The following EBF4 variants were observed in gnomAD, a reference collection of about 807,000 sequenced individuals.
The protein encoded by EBF4 is EBF transcription factor 4.
A neutral mutation model predicts 67.1 loss-of-function variants in EBF4; 34 were observed. The ratio of observed to expected loss-of-function variants is 0.51; its 90% CI spans 0.39 to 0.67. The LOEUF (loss-of-function observed/expected upper bound fraction) is 0.67, where lower values mean the gene tolerates loss of function less well. Ranked by LOEUF, EBF4 falls within the 30% of genes least tolerant of loss-of-function variation. The pLI is 0.00. For synonymous variants in EBF4, 387 were observed against 377.7 expected, an observed-to-expected ratio of 1.02 and a Z score of -0.29; for missense variants, 837 against 873.3, an observed-to-expected ratio of 0.96 and a Z score of 0.52.
At chr20:2,737,047 A>G (rs1418152637) in intron 6 of EBF4, among the ~76,000 whole-genome samples, 1 of 151,966 alleles carries the variant, frequency 6.6e-6, no homozygotes, top group African/African-American at 2.4e-5. Flanking sequence ...CAGGAGATGG[A>G]GACCATCCTG....
At chr20:2,705,785 C>CCCCACA (rs1419727165) in intron 2 of EBF4, 52 bp downstream of exon 2, 2 of 750,290 alleles carry the variant, frequency 2.7e-6, no homozygotes, top group Non-Finnish European at 4.2e-6. Context: ...GAACCCCCAA[C>CCCCACA]CACACACACA....
chr20:2,710,638 T>C (rs1010168527), intron 6 of EBF4, among the ~76,000 whole-genome samples: 1 of 151,844 alleles, frequency 6.6e-6, no homozygotes, highest in African/African-American at 2.4e-5. Flanking sequence ...CTCCTTTTAA[T>C]AGAAAAAGCA....
At chr20:2,715,839 C>T (rs2087601429) in intron 6 of EBF4, among the ~76,000 whole-genome samples, 1 of 152,150 alleles carries the variant, frequency 6.6e-6, no homozygotes, top group South Asian at 2.1e-4. Context: ...ACCTCTGCCT[C>T]CCTGGTTCAA....
rs538546814 is a variant in EBF4, at chr20:2,739,498, G to C, written c.558-9051G>C. 2.0e-5 allele frequency among the ~76,000 whole-genome samples: 3 copies of C among 152,300 alleles called. No individual in the cohort carries two copies. The highest frequency in any genetic ancestry group is 2.0e-4 in the Admixed American group (3 of 15,304). On this transcript the variant is annotated intron_variant, in intron 6 of 16. Coordinates refer to ENST00000609451, the Ensembl canonical transcript of EBF4. The surrounding 1 kb of genome is among the most constrained non-coding windows in gnomAD (Gnocchi z 4.5). ...ATCCTCCTGCCGTGCCCACCACTCTGTCTTCCTGAGTTTCTCTTTCCTGTT... is the reference window on the plus strand; with the variant it reads ...ATCCTCCTGCCGTGCCCACCACTCTCTCTTCCTGAGTTTCTCTTTCCTGTT...
intron 6 of EBF4, among the ~76,000 whole-genome samples, chr20:2,738,248 C>T (rs914665250): frequency 1.3e-5 from 2 of 152,166 alleles, no homozygotes; most frequent in African/African-American, 4.8e-5. Context: ...ATCTACACCA[C>T]CACCTCTGCC....
chr20:2,752,361 C>A lies in EBF4; in HGVS notation c.1356C>A (p.Tyr452Ter). ...CGGCCGCGCTCTCTCTCGCAGGCTA[C>A]GCGCGCAGCTGCAGCAGCGCGTCCC... Residue 452 changes from tyrosine (Y) to a stop codon, truncating the protein, a stop_gained, in exon 14 of 17, where the codon TAC becomes TAA. Coordinates refer to ENST00000609451, the Ensembl canonical transcript of EBF4. LOFTEE classifies it high-confidence loss of function. 1 of 1,220,650 alleles carries A rather than the reference C, an allele frequency of 8.2e-7. No homozygotes were observed. The highest frequency in any genetic ancestry group is 1.0e-6 in the Non-Finnish European group (1 of 983,270). The allele number at this position is 1,220,650 out of a possible 1,614,324, so 75.6% of individuals were successfully genotyped here.
At chr20:2,711,228 C>T (rs2087541208) in intron 6 of EBF4, among the ~76,000 whole-genome samples, 1 of 151,832 alleles carries the variant, frequency 6.6e-6, no homozygotes, top group Non-Finnish European at 1.5e-5. Context: ...CTTTCAGCAC[C>T]TTTCTTTTTC....
chr20:2,746,641 A>G (rs1600238831), intron 6 of EBF4, among the ~76,000 whole-genome samples: 1 of 152,240 alleles, frequency 6.6e-6, no homozygotes, highest in East Asian at 1.9e-4. Context: ...CTGAACAGAA[A>G]TTTAATGTTT....
At chr20:2,706,246 C>T (rs771245630) in exon 4 of EBF4, 9 of 1,552,032 alleles carry the variant, frequency 5.8e-6, no homozygotes, top group Middle Eastern at 1.7e-4. Flanking sequence ...TGCGTCTCAT[C>T]GACTCCATGT....
chr20:2,727,928 G>T (rs561780365), intron 6 of EBF4, among the ~76,000 whole-genome samples: 1 of 152,264 alleles, frequency 6.6e-6, no homozygotes, highest in Non-Finnish European at 1.5e-5. Flanking sequence ...TGAGTGTTGA[G>T]TGTTAGGAGT....
exon 8 of EBF4, chr20:2,749,431 G>C: frequency 6.5e-7 from 1 of 1,546,318 alleles, no homozygotes; most frequent in Non-Finnish European, 8.7e-7. Context: ...GAGCGTGGAC[G>C]GACACGTGCT....
At chr20:2,712,363 T>G (rs2087555565) in intron 6 of EBF4, among the ~76,000 whole-genome samples, 1 of 152,182 alleles carries the variant, frequency 6.6e-6, no homozygotes, top group African/African-American at 2.4e-5. Context: ...TGTGTACATT[T>G]CATTTCATAG....
chr20:2,702,258 A>G (rs73578050), intron 1 of EBF4, among the ~76,000 whole-genome samples: 16,220 of 152,080 alleles, frequency 0.11, 927 homozygotes, highest in Admixed American at 0.14. Flanking sequence ...ACACAGTGAG[A>G]CCCCATCTCT....
intron 1 of EBF4, among the ~76,000 whole-genome samples, chr20:2,695,324 G>A (rs1336887507): frequency 6.6e-6 from 1 of 152,166 alleles, no homozygotes; most frequent in African/African-American, 2.4e-5. Context: ...AAGCAGACGT[G>A]AAGGAGGCAG....
Position 2,752,116 on chromosome 20 carries a change from G to A in EBF4, c.1204G>A (p.Ala402Thr), listed in dbSNP as rs1371654428. 1.0e-5 allele frequency: 15 copies of A among 1,467,660 alleles called. No individual in the cohort carries two copies. In the African/African-American group the frequency reaches 2.1e-4, roughly 20 times the overall value. 90.9% of individuals were successfully genotyped at this position (1,467,660 alleles called of 1,614,324 possible). The change falls in exon 13 of 17, where the codon GCC becomes ACC. Residue 402 changes from alanine to threonine, a missense_variant. Ala to Thr is a moderately conservative substitution (Grantham distance 58). Around this residue, in one of 3 missense-constraint regions of EBF4, gnomAD observed 525 missense variants for 496.5 expected, o/e 1.06. Transcript: ENST00000609451. ...GCTCCTGAAGCGCGCGGCGGACGTG[G>A]CCGAGGCTCTGTACAGCACCCCCCG...
intron 1 of EBF4, among the ~76,000 whole-genome samples, chr20:2,701,063 G>C (rs1262293929): frequency 6.6e-6 from 1 of 152,248 alleles, no homozygotes; most frequent in Non-Finnish European, 1.5e-5. Flanking sequence ...CCTCTGGTTG[G>C]AAGGGGCGGG....
chr20:2,749,313 C>T, intron 7 of EBF4, 88 bp from the exon 8 acceptor site: 6 of 1,003,550 alleles, frequency 6.0e-6, no homozygotes, highest in Non-Finnish European at 8.6e-6. Context: ...CATCCAACCA[C>T]CAGCCTCAAG....
chr20:2,739,368 G>A lies in EBF4; in HGVS notation c.558-9181G>A, dbSNP rs960358511. The stretch of plus-strand genomic sequence containing the variant: ...TGGAGGGCCCTGCCTCCTACTTCTC[G>A]GTGAGATCCTCCAAGACCCATCACC... On this transcript the variant is annotated intron_variant, in intron 6 of 16. Transcript: ENST00000609451. This position sits in a 1 kb window ranked among gnomAD's most constrained non-coding sequence, Gnocchi z 4.5. 3.3e-5 allele frequency among the ~76,000 whole-genome samples: 5 copies of A among 151,858 alleles called. No individual in the cohort carries two copies. The highest frequency in any genetic ancestry group is 5.9e-5 in the Non-Finnish European group (4 of 67,988).
chr20:2,738,569 G>A (rs2087922861), intron 6 of EBF4, among the ~76,000 whole-genome samples: 1 of 152,100 alleles, frequency 6.6e-6, no homozygotes, highest in Non-Finnish European at 1.5e-5. Context: ...CATGCCCAGA[G>A]GCCTCCCATT....
Sources: gnomAD v4.1 joint callset for allele counts (sites outside exome capture counted in the v4.1 genomes callset) on GRCh38, gnomAD v4.1.1 for gene constraint, gnomAD v4.1.1 regional missense constraint, Gnocchi (gnomAD v3.1) non-coding constraint, MANE v1.5 for transcripts, NCBI Gene and HGNC (gene_info 2026-07-23, HGNC 2026-07-21) for gene names.